SPECC1L: variants seen among roughly 807,000 people sequenced by gnomAD.
The protein encoded by SPECC1L is sperm antigen with calponin homology and coiled-coil domains 1 like.
A neutral mutation model predicts 116.8 loss-of-function variants in SPECC1L; 40 were observed. The observed-to-expected ratio is 0.34, with a 90% CI of 0.27 to 0.45. The LOEUF (loss-of-function observed/expected upper bound fraction) is 0.45. SPECC1L is among the 20% of genes least tolerant of loss of function. The pLI is 1.00. For synonymous variants in SPECC1L, 504 were observed against 500.6 expected (o/e 1.01, Z -0.09); for missense variants, 1,110 against 1,373.6 (o/e 0.81, Z 3.03).
chr22:24,376,885 T>TA (rs142759184), intron 14 of SPECC1L, among the ~76,000 whole-genome samples: 6,018 of 152,058 alleles, frequency 0.04, 402 homozygotes, highest in African/African-American at 0.14. Context: ...TTCAGCCACT[T>TA]AAAATGTACA....
chr22:24,317,488 C>T (rs1242471150), intron 4 of SPECC1L, among the ~76,000 whole-genome samples: 3 of 125,324 alleles, frequency 2.4e-5, no homozygotes, highest in Non-Finnish European at 3.6e-5. Context: ...AGGGGGCTGA[C>T]CCCCCCACCT....
At chr22:24,394,096 T>G (rs2042321711) in intron 14 of SPECC1L, among the ~76,000 whole-genome samples, 2 of 152,334 alleles carry the variant, frequency 1.3e-5, no homozygotes, top group South Asian at 2.1e-4. Context: ...TGATGGACAT[T>G]TGGGTTGTTT....
intron 1 of SPECC1L, among the ~76,000 whole-genome samples, chr22:24,275,601 GAGATTA>G (rs1428505492): frequency 1.3e-5 from 2 of 150,096 alleles, no homozygotes; most frequent in African/African-American, 2.5e-5. Context: ...AAGGGTTTAA[GAGATTA>G]AGATTAAATT....
intron 16 of SPECC1L, among the ~76,000 whole-genome samples, chr22:24,413,362 G>C (rs990993528): frequency 6.6e-6 from 1 of 152,186 alleles, no homozygotes; most frequent in Admixed American, 6.5e-5. Flanking sequence ...CTTTTATTAA[G>C]TGAACTGAGT....
In SPECC1L at chr22:24,389,942, A is replaced by T. The variant is rs545042393; in HGVS notation, c.3087+20622A>T. Among the ~76,000 whole-genome samples the T allele has an allele frequency of 3.3e-5, 5 of 152,220 alleles. No homozygotes were observed. The South Asian group carries it at 1.0e-3, about 32-fold the overall frequency. ...AAGCCTGTGGGTTGAGTAGATTCTT[A>T]TATAAAGGTGACTTTCCTAACCTAA... On this transcript the variant is annotated intron_variant, in intron 14 of 16. Transcript: ENST00000314328.
chr22:24,278,525 C>G (rs2048879976), intron 2 of SPECC1L, among the ~76,000 whole-genome samples: 1 of 152,048 alleles, frequency 6.6e-6, no homozygotes, highest in Non-Finnish European at 1.5e-5. Context: ...ATTCATTCAT[C>G]AAAGTTAGCA....
At chr22:24,412,032 G>T in intron 15 of SPECC1L, 1 of 425,790 alleles carries the variant, frequency 2.3e-6, no homozygotes, top group Non-Finnish European at 4.4e-6. Context: ...TAGTCAGGCA[G>T]TGCTGACCAG....
intron 11 of SPECC1L, among the ~76,000 whole-genome samples, chr22:24,362,343 G>T (rs2041662160): frequency 6.6e-6 from 1 of 152,178 alleles, no homozygotes; most frequent in Admixed American, 6.5e-5. Context: ...AGAGGAGGAG[G>T]TGAGGGGACA....
chr22:24,330,216 T>C, intron 7 of SPECC1L, 40 bp from the exon 8 acceptor site: 1 of 1,600,888 alleles, frequency 6.2e-7, no homozygotes, highest in Non-Finnish European at 8.6e-7. Context: ...AAATCTTGAT[T>C]GCTCTCTTTT....
At chr22:24,361,235 A>T (rs2041636748) in intron 11 of SPECC1L, among the ~76,000 whole-genome samples, 1 of 152,074 alleles carries the variant, frequency 6.6e-6, no homozygotes, top group African/African-American at 2.4e-5. Context: ...TCATCTCTGC[A>T]AAAAACTAGC....
intron 14 of SPECC1L, among the ~76,000 whole-genome samples, chr22:24,371,408 T>C (rs1211445419): frequency 6.6e-6 from 1 of 152,188 alleles, no homozygotes; most frequent in African/African-American, 2.4e-5. Context: ...AGCCCAGTAG[T>C]TTGAGACCAG....
Position 24,302,062 on chromosome 22 carries a change from T to A in SPECC1L, c.-37-133T>A, listed in dbSNP as rs1043836399. Reference sequence around the variant, plus strand: ...CTCCGTCTCAAAAAAAAAAAAAAATTTTTTTTCAACTTTTCTGTAGTGACA... The same window carrying A: ...CTCCGTCTCAAAAAAAAAAAAAAATATTTTTTCAACTTTTCTGTAGTGACA... On this transcript the variant is annotated intron_variant, in intron 2 of 16. Coordinates refer to ENST00000314328, the MANE Select transcript of SPECC1L (RefSeq NM_015330.6). 2.8e-5 allele frequency: 20 copies of A among 721,598 alleles called. No individual in the cohort carries two copies. In the African/African-American group the frequency reaches 2.9e-4, roughly 11 times the overall value. The allele number at this position is 721,598 out of a possible 1,614,324, so 44.7% of individuals were successfully genotyped here. A position where few individuals can be genotyped will look rare whatever the true frequency, so the allele number is the denominator to read the frequency against.
chr22:24,334,358 T>G, intron 8 of SPECC1L, 52 bp from the exon 9 acceptor site: 1 of 1,588,770 alleles, frequency 6.3e-7, no homozygotes, highest in Non-Finnish European at 8.6e-7. Context: ...GGGGAAAATG[T>G]GTATGTTCTA....
At chr22:24,277,801 C>T (rs1253160228) in intron 2 of SPECC1L, among the ~76,000 whole-genome samples, 1 of 152,106 alleles carries the variant, frequency 6.6e-6, no homozygotes, top group Non-Finnish European at 1.5e-5. Flanking sequence ...GCGTTTTTGC[C>T]ACTTTGGGCT....
rs5760392 is a variant in SPECC1L at position 24,397,644 on chromosome 22, A to G, written c.3088-13944A>G. Among the ~76,000 whole-genome samples the G allele has an allele frequency of 0.01, 1,582 of 152,286 alleles. 75 individuals are homozygous for G. In the South Asian group the frequency reaches 0.12, roughly 11 times the overall value. On this transcript the variant is annotated intron_variant, in intron 14 of 16. Coordinates refer to ENST00000314328, the MANE Select transcript of SPECC1L (RefSeq NM_015330.6). ...CTTTGTATTAAATTAATAAAATCCT[A>G]TAGTCTCAGTTTGGTAGCTTATCCT...
chr22:24,383,717 A>C (rs1462087001), intron 14 of SPECC1L, among the ~76,000 whole-genome samples: 1 of 149,438 alleles, frequency 6.7e-6, no homozygotes, highest in African/African-American at 2.5e-5. Flanking sequence ...GCTTACTGCA[A>C]CCTCTGCCTC....
At chr22:24,329,969 G>A (rs2040906336) in intron 7 of SPECC1L, among the ~76,000 whole-genome samples, 1 of 152,074 alleles carries the variant, frequency 6.6e-6, no homozygotes, top group East Asian at 1.9e-4. Flanking sequence ...CATGAAGAAG[G>A]GAAGCTTGAC....
At chr22:24,300,105 A>G (rs28655103) in intron 2 of SPECC1L, among the ~76,000 whole-genome samples, 188 of 152,226 alleles carry the variant, frequency 1.2e-3, no homozygotes, top group African/African-American at 4.1e-3. Flanking sequence ...TGCTGCACCT[A>G]TTGACCCATC....
chr22:24,344,981 C>A (rs890231225), intron 10 of SPECC1L, among the ~76,000 whole-genome samples: 1 of 151,854 alleles, frequency 6.6e-6, no homozygotes, highest in Non-Finnish European at 1.5e-5. Context: ...AACACAATAC[C>A]AATTAAAAGA....
Sources: gnomAD v4.1 joint callset for allele counts (sites outside exome capture counted in the v4.1 genomes callset) on GRCh38, gnomAD v4.1.1 for gene constraint, MANE v1.5 for transcripts, NCBI Gene and HGNC (gene_info 2026-07-23, HGNC 2026-07-21) for gene names.